Variants in OR6N1 observed in about 807,000 individuals in gnomAD.
OR6N1 encodes olfactory receptor 6N1.
For missense variants in OR6N1, 394 were observed against 371.7 expected, an observed-to-expected ratio of 1.06 and a Z score of -0.49; for synonymous variants, 170 against 150.7, an observed-to-expected ratio of 1.13 and a Z score of -0.94.
chr1:158,829,161 T>A, the OR6N1 span, among the ~76,000 whole-genome samples: 1 of 152,208 alleles, frequency 6.6e-6, no homozygotes, highest in East Asian at 1.9e-4. Context: ...ATTTTCCCCA[T>A]TGTCTTCATG....
the OR6N1 span, among the ~76,000 whole-genome samples, chr1:158,816,825 A>G: frequency 6.6e-6 from 1 of 152,264 alleles, no homozygotes; most frequent in African/African-American, 2.4e-5. Context: ...TTCAGATCCT[A>G]CTTTCTTTAA....
upstream of OR6N1, chr1:158,772,275 A>T (rs528907728): frequency 1.3e-4 from 20 of 152,314 alleles, no homozygotes; most frequent in African/African-American, 4.6e-4. Flanking sequence ...ATAGAGGCAG[A>T]AGCCCATGGG....
the OR6N1 span, among the ~76,000 whole-genome samples, chr1:158,814,723 C>G: frequency 6.6e-6 from 1 of 152,162 alleles, no homozygotes; most frequent in African/African-American, 2.4e-5. Context: ...AAGGCCTCAC[C>G]TCTTAGTACC....
At chr1:158,769,094 C>G (rs1190598894) in intron 1 of OR6N1, among the ~76,000 whole-genome samples, 1 of 152,078 alleles carries the variant, frequency 6.6e-6, no homozygotes, top group Non-Finnish European at 1.5e-5. Flanking sequence ...TTTGCATATG[C>G]AGTAGGAGTT....
chr1:158,831,646 A>C, the OR6N1 span: 2 of 152,196 alleles, frequency 1.3e-5, no homozygotes, highest in Admixed American at 6.5e-5. Flanking sequence ...GCCTGAGACC[A>C]GAAGTGTTGT....
the OR6N1 span, among the ~76,000 whole-genome samples, chr1:158,797,738 T>C: frequency 6.6e-6 from 1 of 151,874 alleles, no homozygotes; most frequent in Non-Finnish European, 1.5e-5. Flanking sequence ...TATTATCATC[T>C]ATTTTTTCAC....
intron 1 of OR6N1, among the ~76,000 whole-genome samples, chr1:158,768,326 C>G (rs765424946): frequency 1.3e-5 from 2 of 152,150 alleles, no homozygotes; most frequent in African/African-American, 4.8e-5. Context: ...TCTTGGGAGT[C>G]GAAGAGCCAT....
At chr1:158,827,724 T>C in the OR6N1 span, among the ~76,000 whole-genome samples, 1 of 152,160 alleles carries the variant, frequency 6.6e-6, no homozygotes, top group Non-Finnish European at 1.5e-5. Flanking sequence ...AAATCATTAT[T>C]TGAGTCAGCA....
the OR6N1 span, among the ~76,000 whole-genome samples, chr1:158,823,352 C>G: frequency 2.0e-5 from 3 of 151,698 alleles, no homozygotes; most frequent in African/African-American, 7.3e-5. Context: ...GCTTTTTTTG[C>G]TTGGTAGGCT....
At chr1:158,830,558 A>C in the OR6N1 span, among the ~76,000 whole-genome samples, 33 of 152,170 alleles carry the variant, frequency 2.2e-4, no homozygotes, top group Admixed American at 5.2e-4. Context: ...TTGACAATTC[A>C]GAGTTATGAT....
At chr1:158,813,465 G>A in the OR6N1 span, among the ~76,000 whole-genome samples, 1 of 152,082 alleles carries the variant, frequency 6.6e-6, no homozygotes, top group African/African-American at 2.4e-5. Context: ...ACCTTCTTCA[G>A]TGATATGGAA....
the OR6N1 span, among the ~76,000 whole-genome samples, chr1:158,808,001 A>T: frequency 6.6e-6 from 1 of 150,884 alleles, no homozygotes; most frequent in Non-Finnish European, 1.5e-5. Context: ...ATTTTCTTTG[A>T]CTCTGACCAC....
At chr1:158,778,651 AG>A in the OR6N1 span, among the ~76,000 whole-genome samples, 1 of 152,102 alleles carries the variant, frequency 6.6e-6, no homozygotes, top group Non-Finnish European at 1.5e-5. Flanking sequence ...TCGGAGATGA[AG>A]GTGTGAATTT....
At chr1:158,789,940 T>C in the OR6N1 span, among the ~76,000 whole-genome samples, 2 of 152,226 alleles carry the variant, frequency 1.3e-5, no homozygotes, top group East Asian at 3.8e-4. Context: ...ATTTCTCCAA[T>C]GTTTTCTTCT....
At chr1:158,794,087 G>A in the OR6N1 span, among the ~76,000 whole-genome samples, 3 of 152,194 alleles carry the variant, frequency 2.0e-5, no homozygotes, top group Non-Finnish European at 4.4e-5. Flanking sequence ...CCTGAACCTG[G>A]AGGGCACTCC....
At chr1:158,809,848 C>A in the OR6N1 span, among the ~76,000 whole-genome samples, 1 of 152,076 alleles carries the variant, frequency 6.6e-6, no homozygotes, top group Admixed American at 6.6e-5. Flanking sequence ...ACTATAATAT[C>A]CTAGGCCCGT....
the OR6N1 span, among the ~76,000 whole-genome samples, chr1:158,792,110 A>C: frequency 6.6e-6 from 1 of 152,162 alleles, no homozygotes; most frequent in Non-Finnish European, 1.5e-5. Context: ...GGATTGTTAT[A>C]TCTTCCTGTT....
chr1:158,770,969 G>T (rs962680228), intron 1 of OR6N1, among the ~76,000 whole-genome samples: 9 of 152,172 alleles, frequency 5.9e-5, no homozygotes, highest in African/African-American at 2.2e-4. Flanking sequence ...CAACCCTATT[G>T]CTCTGGTCCA....
chr1:158,826,095 A>G, the OR6N1 span, among the ~76,000 whole-genome samples: 1 of 152,138 alleles, frequency 6.6e-6, no homozygotes, highest in Non-Finnish European at 1.5e-5. Context: ...AGAGGGGAAC[A>G]ACAGATACCA....
Sources: allele counts gnomAD v4.1 joint callset (sites outside exome capture counted in the v4.1 genomes callset), GRCh38; gene constraint gnomAD v4.1.1; transcripts MANE v1.5; gene names NCBI Gene and HGNC (gene_info 2026-07-23, HGNC 2026-07-21).